AEBP2: variants seen among roughly 807,000 people sequenced by gnomAD.
The protein encoded by AEBP2 is AE binding protein 2.
A neutral mutation model predicts 50.8 loss-of-function variants in AEBP2; 10 were observed. The observed-to-expected ratio is 0.20, with a 90% CI of 0.12 to 0.33. AEBP2 has a LOEUF of 0.33. Among genes scored for constraint, AEBP2 ranks in the 10% least tolerant of loss-of-function variants. AEBP2 has a pLI of 1.00. For synonymous variants in AEBP2, 296 were observed against 261.3 expected (o/e 1.13, Z -1.28); for missense variants, 570 against 688.0 (o/e 0.83, Z 1.92).
upstream of AEBP2, among the ~76,000 whole-genome samples, chr12:19,438,437 T>C (rs1042466057): frequency 5.9e-5 from 9 of 152,208 alleles, no homozygotes; most frequent in African/African-American, 2.2e-4. Context: ...AATTGAAAAC[T>C]TGGAATAGAA....
intron 3 of AEBP2, among the ~76,000 whole-genome samples, chr12:19,484,665 G>A (rs1010556380): frequency 3.9e-5 from 6 of 152,016 alleles, no homozygotes; most frequent in Admixed American, 6.6e-5. Flanking sequence ...GAGCCACCGC[G>A]CCTGGCCCAT....
intron 1 of AEBP2, among the ~76,000 whole-genome samples, chr12:19,441,511 T>G (rs1294132776): frequency 6.6e-6 from 1 of 152,226 alleles, no homozygotes; most frequent in Non-Finnish European, 1.5e-5. Context: ...TCGATAGTGA[T>G]TTTCATTTAA....
chr12:19,448,772 T>A (rs1948117760), intron 1 of AEBP2, among the ~76,000 whole-genome samples: 1 of 152,178 alleles, frequency 6.6e-6, no homozygotes, highest in Admixed American at 6.5e-5. Context: ...CTCAAACTCC[T>A]GGACCCAAGT....
chr12:19,423,541 A>G (rs897254972), intron 1 of AEBP2, among the ~76,000 whole-genome samples: 1 of 152,204 alleles, frequency 6.6e-6, no homozygotes, highest in African/African-American at 2.4e-5. Flanking sequence ...ACTAACTTGC[A>G]TGGTAATCTA....
chr12:19,436,501 G>A (rs1349151587), upstream of AEBP2, among the ~76,000 whole-genome samples: 1 of 152,002 alleles, frequency 6.6e-6, no homozygotes, highest in Non-Finnish European at 1.5e-5. Flanking sequence ...TTTCTTGTGT[G>A]AGGTCCAAGA....
chr12:19,501,880 G>T (rs545199906), intron 5 of AEBP2, among the ~76,000 whole-genome samples: 4 of 136,264 alleles, frequency 2.9e-5, no homozygotes, highest in African/African-American at 1.1e-4. Context: ...TGCGACCGTG[G>T]TTACAACCAA....
intron 6 of AEBP2, among the ~76,000 whole-genome samples, chr12:19,513,644 TC>T (rs1257708063): frequency 1.3e-5 from 2 of 152,080 alleles, no homozygotes; most frequent in Non-Finnish European, 2.9e-5. Context: ...TCGCCTGTAG[TC>T]CCAGATACTC....
At chr12:19,479,717 G>GTTTCTTTTTTTTTTTTT (rs1948698002) in intron 3 of AEBP2, among the ~76,000 whole-genome samples, 2 of 22,348 alleles carry the variant, frequency 8.9e-5, no homozygotes, top group Non-Finnish European at 9.0e-5. Flanking sequence ...CTCTTTGTGG[G>GTTTCTTTTTTTTTTTTT]TTTTTTTTTT....
intron 1 of AEBP2, among the ~76,000 whole-genome samples, chr12:19,407,612 T>C (rs2095737021): frequency 6.6e-6 from 1 of 152,016 alleles, no homozygotes; most frequent in East Asian, 1.9e-4. Flanking sequence ...TCCATCTCTT[T>C]TTTCTTTTTA....
At chr12:19,499,241 G>A (rs534120671) in intron 4 of AEBP2, among the ~76,000 whole-genome samples, 1 of 152,196 alleles carries the variant, frequency 6.6e-6, no homozygotes, top group African/African-American at 2.4e-5. Context: ...TGGACTGATC[G>A]GCGTCCAAAA....
At chr12:19,440,643 T>C in intron 1 of AEBP2, 4 of 1,528,576 alleles carry the variant, frequency 2.6e-6, no homozygotes, top group Non-Finnish European at 3.5e-6. Context: ...TCAGGACGGC[T>C]CTAACTCGGA....
At position 19,518,152 on chromosome 12, in the gene AEBP2, G is replaced by A; in HGVS notation, c.*35G>A. 2.5e-6 allele frequency: 4 copies of A among 1,577,916 alleles called. No individual in the cohort carries two copies. Among genetic ancestry groups the A allele is most frequent in the Non-Finnish European group, 2.6e-6 (3 of 1,162,224 alleles). Reference sequence around the variant, plus strand: ...AAATACATAAAAAGCAAACAAGCGGGGACACCTGCAGTCTTAGTCACTGAC... The same window carrying A: ...AAATACATAAAAAGCAAACAAGCGGAGACACCTGCAGTCTTAGTCACTGAC... On this transcript the variant is annotated 3_prime_UTR_variant, in exon 8 of 8. Coordinates refer to ENST00000266508, the MANE Select transcript of AEBP2 (RefSeq NM_153207.5).
In AEBP2 at chr12:19,414,749, C is replaced by G. The variant is rs530761551; in HGVS notation, c.-17+10533C>G. ...ACCAACCTGGCCAACATGGTCAAACCTCGTCTGTACCAAAAATACAAAAAT... is the reference window on the plus strand; with the variant it reads ...ACCAACCTGGCCAACATGGTCAAACGTCGTCTGTACCAAAAATACAAAAAT... On this transcript the variant is annotated intron_variant, in intron 1 of 3. Transcript: ENST00000538425. 7.9e-5 allele frequency among the ~76,000 whole-genome samples: 12 copies of G among 152,198 alleles called. No homozygotes were observed. The South Asian group carries it at 1.9e-3, about 24-fold the overall frequency.
intron 7 of AEBP2, 127 bp downstream of exon 7, chr12:19,514,911 G>GT: frequency 4.5e-6 from 3 of 659,684 alleles, no homozygotes; most frequent in Admixed American, 3.5e-5. Flanking sequence ...TTACTTCCTG[G>GT]CTTTTTTTTT....
intron 1 of AEBP2, among the ~76,000 whole-genome samples, chr12:19,409,284 A>G (rs2095738003): frequency 6.6e-6 from 1 of 152,174 alleles, no homozygotes; most frequent in African/African-American, 2.4e-5. Flanking sequence ...TATATTAGGC[A>G]TAACTATTCC....
chr12:19,481,831 A>C (rs944131424), intron 3 of AEBP2, among the ~76,000 whole-genome samples: 27 of 151,980 alleles, frequency 1.8e-4, no homozygotes, highest in Admixed American at 1.8e-3. Flanking sequence ...AGAAGTTGTG[A>C]TTGCTGTTTC....
chr12:19,481,874 T>C (rs1350124917), intron 3 of AEBP2, among the ~76,000 whole-genome samples: 1 of 152,248 alleles, frequency 6.6e-6, no homozygotes, highest in Non-Finnish European at 1.5e-5. Flanking sequence ...GAATTTTTCA[T>C]CCGTATCCTG....
At chr12:19,493,731 C>T in intron 3 of AEBP2, 69 bp from the exon 4 acceptor site, 2 of 1,403,910 alleles carry the variant, frequency 1.4e-6, no homozygotes, top group Non-Finnish European at 1.9e-6. Context: ...ACTAGATATT[C>T]ACTCATTGAT....
intron 1 of AEBP2, among the ~76,000 whole-genome samples, chr12:19,448,214 A>G (rs1398541685): frequency 6.6e-6 from 1 of 152,144 alleles, no homozygotes; most frequent in East Asian, 1.9e-4. Flanking sequence ...GCCAGAAGTC[A>G]TCATATTTCT....
Sources: gnomAD v4.1 joint callset for allele counts (sites outside exome capture counted in the v4.1 genomes callset) on GRCh38, gnomAD v4.1.1 for gene constraint, MANE v1.5 for transcripts, NCBI Gene and HGNC (gene_info 2026-07-23, HGNC 2026-07-21) for gene names.